DOC2B: variants seen among roughly 807,000 people sequenced by gnomAD.
DOC2B encodes the protein double C2-like domain-containing protein beta.
Under a neutral mutation model 28.9 loss-of-function variants are expected in DOC2B, and 21 were observed. That is an observed-to-expected ratio of 0.73 (90% CI 0.52 to 1.05). DOC2B has a LOEUF of 1.05. Ranked by LOEUF, DOC2B falls within the 50% of genes least tolerant of loss-of-function variation. The pLI, the probability that DOC2B is intolerant of heterozygous loss-of-function variation, is 0.00. For missense variants in DOC2B, 384 were observed against 421.1 expected (o/e 0.91, Z 0.77); for synonymous variants, 194 against 178.1 (o/e 1.09, Z -0.71).
At chr17:176,630 G>A (rs575563553) in intron 1 of DOC2B, among the ~76,000 whole-genome samples, 1 of 149,428 alleles carries the variant, frequency 6.7e-6, no homozygotes, top group African/African-American at 2.4e-5. Flanking sequence ...AAGGAGAGTG[G>A]GGGCTCAGCC....
chr17:177,904 A>C (rs1321177479), intron 1 of DOC2B, among the ~76,000 whole-genome samples: 1 of 152,250 alleles, frequency 6.6e-6, no homozygotes. Context: ...CTGCACAGGC[A>C]TCGGTCCTGA....
In DOC2B at chr17:156,312, G is replaced by A. The variant is rs977852279; in HGVS notation, c.831C>T (p.Ser277=). 1.0e-5 allele frequency: 16 copies of A among 1,551,552 alleles called. No individual in the cohort carries two copies. In the African/African-American group the frequency reaches 2.1e-4, roughly 20 times the overall value. Residue 277 remains serine, a synonymous_variant, in exon 6 of 9, where the codon AGC becomes AGT. Coordinates refer to ENST00000613549, the MANE Select transcript of DOC2B (RefSeq NM_003585.5). ...RGRILISLKY[S]SQKQGLLVGI... is the part of the protein sequence containing the mutation. ...CTACCAGCAGGCCTTGCTTCTGTGA[G>A]CTGTACTTGAGGGAGATGAGGATGC...
At chr17:163,264 C>A (rs1032356481) in intron 3 of DOC2B, among the ~76,000 whole-genome samples, 1 of 152,138 alleles carries the variant, frequency 6.6e-6, no homozygotes, top group Non-Finnish European at 1.5e-5. Flanking sequence ...CTTCTTGCAG[C>A]ATAAGGGCAT....
chr17:170,449 A>C (rs1171384750), intron 2 of DOC2B, among the ~76,000 whole-genome samples: 1 of 152,062 alleles, frequency 6.6e-6, no homozygotes, highest in Non-Finnish European at 1.5e-5. Flanking sequence ...CTGGGTGAGC[A>C]TGCTGCCAAG....
At position 161,530 on chromosome 17, in the gene DOC2B, C is replaced by A; in HGVS notation, c.650G>T (p.Cys217Phe). The A allele has an allele frequency of 6.4e-7, 1 of 1,551,720 alleles. No individual in the cohort carries two copies. The highest frequency in any genetic ancestry group is 8.7e-7 in the Non-Finnish European group (1 of 1,146,988). ...MIRKTLRISV[C>F]DEDKFRHNEF... is the part of the protein sequence containing the mutation. ...ATTGTGCCGGAATTTGTCCTCGTCA[C>A]ACACAGAGATCCTAGAGGGGGCGGT... Residue 217 changes from cysteine to phenylalanine, a missense_variant, in exon 5 of 9, where the codon TGT becomes TTT. Coordinates refer to ENST00000613549, the MANE Select transcript of DOC2B (RefSeq NM_003585.5).
intron 2 of DOC2B, among the ~76,000 whole-genome samples, chr17:165,453 G>T (rs2040251630): frequency 6.7e-6 from 1 of 149,810 alleles, no homozygotes; most frequent in African/African-American, 2.5e-5. Context: ...CTGCACTCCA[G>T]CCTGGGTGAC....
rs1299321483 is a variant in DOC2B, at chr17:146,714, C to T, written c.*727G>A. ...TCCTCCAGGAAGCCGTCCCTGACCT[C>T]CCGGCAGAGTCAGCAGAGCCCACGG... On this transcript the variant is annotated 3_prime_UTR_variant, in exon 9 of 9. Coordinates refer to ENST00000613549, the MANE Select transcript of DOC2B (RefSeq NM_003585.5). 6.6e-6 allele frequency: 1 copy of T among 152,356 alleles called. No individual in the cohort carries two copies. Among genetic ancestry groups the T allele is most frequent in the Non-Finnish European group, 1.5e-5 (1 of 68,126 alleles). 9.4% of individuals were successfully genotyped at this position (152,356 alleles called of 1,614,324 possible).
chr17:147,542 G>A lies in DOC2B; in HGVS notation c.1138C>T (p.Arg380Cys), dbSNP rs1035290462. Residue 380 changes from arginine (R) to cysteine (C), a missense_variant, in exon 9 of 9, where the codon CGC becomes TGC. By Grantham distance (180) the Arg-to-Cys change is radical. Transcript: ENST00000613549. ...AGGCAGTCAAACCAGTGCTTCAGGC[G>A]CTCCCCCTTGGCGTGGATGCCCAGA... The part of the protein sequence containing the change: ...VVLGIHAKGE[R>C]LKHWFDCLKN... 16 of 398,696 alleles carry A rather than the reference G, an allele frequency of 4.0e-5. No homozygotes were observed. The highest frequency in any genetic ancestry group is 1.4e-4 in the East Asian group (4 of 28,090). The allele number at this position is 398,696 out of a possible 1,614,324, so 24.7% of individuals were successfully genotyped here.
At chr17:171,938 G>C (rs1279776250) in intron 2 of DOC2B, among the ~76,000 whole-genome samples, 4 of 142,986 alleles carry the variant, frequency 2.8e-5, no homozygotes, top group African/African-American at 1.1e-4. Context: ...CCAGGGGCCG[G>C]GCCAGGCTGC....
At position 181,327 on chromosome 17, in the gene DOC2B, T is replaced by G; in HGVS notation, c.153A>C (p.Arg51=). Residue 51 remains arginine (R), a synonymous_variant, in exon 1 of 9, where the codon CGA becomes CGC. Transcript: ENST00000613549. The surrounding 1 kb of genome is among the most constrained non-coding windows in gnomAD (Gnocchi z 7.0). ...CGGGGGCGTCCGGGGGTGCAGCGGC[T>G]CGGGGCCCGGCGTCCGGGGGCAGGC... ...PRGLPPDAGP[R]AAAPPDAPAR... is the part of the protein sequence containing the mutation. 1 of 1,146,098 alleles carries G rather than the reference T, an allele frequency of 8.7e-7. No homozygotes were observed. 71.0% of individuals were successfully genotyped at this position (1,146,098 alleles called of 1,614,324 possible). A position where few individuals can be genotyped will look rare whatever the true frequency, so the allele number is the denominator to read the frequency against.
At chr17:153,867 G>A (rs1472167199) in intron 6 of DOC2B, among the ~76,000 whole-genome samples, 7 of 152,112 alleles carry the variant, frequency 4.6e-5, no homozygotes, top group African/African-American at 1.2e-4. Flanking sequence ...AGCTGTCCGT[G>A]TTATAATAAT....
At position 156,368 on chromosome 17, in the gene DOC2B, T is replaced by C. The variant is rs186237157; in HGVS notation, c.775A>G (p.Thr259Ala). 3.2e-5 allele frequency: 49 copies of C among 1,551,302 alleles called. No individual in the cohort carries two copies. The East Asian group carries it at 1.1e-3, about 34-fold the overall frequency. The change falls in exon 6 of 9, where the codon ACT becomes GCT. Residue 259 changes from threonine to alanine, a missense_variant. Physicochemically the swap from Thr to Ala is moderately conservative, Grantham distance 58. Transcript: ENST00000613549. ...CGCTCCTCCAGGGACTTGTCTTCAG[T>C]CTTGTCCACCTGTTGGACGGGACGG... ...CLEKQLPVDK[T>A]EDKSLEERGR... is the part of the protein sequence containing the mutation.
rs1333242209 is a variant in DOC2B at position 181,393 on chromosome 17, G to A, written c.87C>T (p.Pro29=). The stretch of plus-strand genomic sequence containing the variant: ...GGAAGTAGTCGGAGATCTGCTTGAT[G>A]GGACGGATGGGGCCGGGGCACACGT... ...AIDVCPGPIR[P]IKQISDYFPR... is the part of the protein sequence containing the mutation. The change falls in exon 1 of 9, where the codon CCC becomes CCT. Residue 29 remains proline, a synonymous_variant. Transcript: ENST00000613549. This position sits in a 1 kb window ranked among gnomAD's most constrained non-coding sequence, Gnocchi z 7.0. The A allele has an allele frequency of 8.6e-7, 1 of 1,163,898 alleles. No homozygotes were observed. Among genetic ancestry groups the A allele is most frequent in the Non-Finnish European group, 1.1e-6 (1 of 938,692 alleles). 72.1% of individuals were successfully genotyped at this position (1,163,898 alleles called of 1,614,324 possible).
rs1175570091 is a variant in DOC2B at position 143,331 on chromosome 17, A to ATATTTTT, written c.*4109_*4110insAAAAATA. ...CCACCCTCCCCTCCTACCCTTCCAA[A>ATATTTTT]TCTTTTTTTTTTTTTTTTGACAAGG... On this transcript the variant is annotated 3_prime_UTR_variant, in exon 9 of 9. Coordinates refer to ENST00000613549, the MANE Select transcript of DOC2B (RefSeq NM_003585.5). 2.4e-5 allele frequency: 1 copy of ATATTTTT among 42,280 alleles called. No individual in the cohort carries two copies. 2.6% of individuals were successfully genotyped at this position (42,280 alleles called of 1,614,324 possible).
intron 1 of DOC2B, among the ~76,000 whole-genome samples, chr17:173,660 G>A (rs1231294625): frequency 1.3e-5 from 2 of 152,206 alleles, no homozygotes; most frequent in African/African-American, 4.8e-5. Flanking sequence ...ATGTGAATTG[G>A]GACCACCAGG....
chr17:154,971 C>T (rs748859177), intron 6 of DOC2B, among the ~76,000 whole-genome samples: 6 of 152,098 alleles, frequency 3.9e-5, no homozygotes, highest in South Asian at 2.1e-4. Context: ...TCAGGTGATC[C>T]GTGCGCCTCG....
intron 1 of DOC2B, among the ~76,000 whole-genome samples, chr17:176,854 G>A (rs367813658): frequency 3.5e-4 from 54 of 152,210 alleles, no homozygotes; most frequent in African/African-American, 1.2e-3. Flanking sequence ...CCCGCTTGTC[G>A]ATAATTACAG....
chr17:166,451 A>G (rs2040265785), intron 2 of DOC2B, among the ~76,000 whole-genome samples: 1 of 152,178 alleles, frequency 6.6e-6, no homozygotes, highest in South Asian at 2.1e-4. Context: ...AACTGATCCC[A>G]TGGTTTAGGG....
intron 6 of DOC2B, chr17:155,879 A>C: frequency 6.5e-6 from 2 of 305,892 alleles, no homozygotes; most frequent in Non-Finnish European, 6.0e-6. Flanking sequence ...CCTCCTGGCT[A>C]CCCCCGGCAC....
Sources: allele counts gnomAD v4.1 joint callset (sites outside exome capture counted in the v4.1 genomes callset), GRCh38; gene constraint gnomAD v4.1.1; non-coding constraint Gnocchi (gnomAD v3.1); transcripts MANE v1.5; gene names NCBI Gene and HGNC (gene_info 2026-07-23, HGNC 2026-07-21).